MYORG: variants seen among roughly 807,000 people sequenced by gnomAD.
MYORG encodes the protein myogenesis regulating glycosidase.
A neutral mutation model predicts 49.8 loss-of-function variants in MYORG; 45 were observed. The ratio of observed to expected loss-of-function variants is 0.90; its 90% CI spans 0.71 to 1.16. MYORG has a LOEUF of 1.16. Among genes scored for constraint, MYORG ranks in the 50% most tolerant of loss-of-function variants. The pLI is 0.00. For synonymous variants in MYORG, 552 were observed against 462.9 expected (o/e 1.19, Z -2.47); for missense variants, 1,110 against 1,026.5 (o/e 1.08, Z -1.11).
At position 34,372,878 on chromosome 9, in the gene MYORG, T is replaced by C; in HGVS notation, c.66A>G (p.Ala22=). 2.5e-6 allele frequency: 4 copies of C among 1,613,952 alleles called. No individual in the cohort carries two copies. Among genetic ancestry groups the C allele is most frequent in the Non-Finnish European group, 3.4e-6 (4 of 1,179,874 alleles). ...YPRRRRPGCY[A]YRQNPEAIAA... ...CGATGGCCTCGGGGTTCTGACGGTATGCGTAGCAGCCAGGCCGGCGGCGGC... is the reference window on the plus strand; with the variant it reads ...CGATGGCCTCGGGGTTCTGACGGTACGCGTAGCAGCCAGGCCGGCGGCGGC... The change falls in exon 2 of 2, where the codon GCA becomes GCG. Residue 22 remains alanine (A), a synonymous_variant. Coordinates refer to ENST00000297625, the MANE Select transcript of MYORG (RefSeq NM_020702.5).
rs768988148 is a variant in MYORG at position 34,371,085 on chromosome 9, A to C, written c.1859T>G (p.Leu620Arg). 1.2e-6 allele frequency: 2 copies of C among 1,610,096 alleles called. No homozygotes were observed. Among genetic ancestry groups the C allele is most frequent in the Non-Finnish European group, 1.7e-6 (2 of 1,177,806 alleles). ...LRASLVAPLLLELAGEVTDTG... is the reference protein window; with the variant it reads ...LRASLVAPLLRELAGEVTDTG... ...GTCGGTGACCTCGCCCGCCAGCTCA[A>C]GCAACAGCGGTGCCACAAGCGAGGC... The change falls in exon 2 of 2, where the codon CTT (leucine) becomes CGT (arginine). Residue 620 changes from leucine (L) to arginine (R), a missense_variant. Transcript: ENST00000297625.
Position 34,372,936 on chromosome 9 carries a change from T to G in MYORG, c.8A>C (p.Gln3Pro), listed in dbSNP as rs1269666130. The G allele has an allele frequency of 6.2e-7, 1 of 1,613,174 alleles. No individual in the cohort carries two copies. The highest frequency in any genetic ancestry group is 1.7e-5 in the Admixed American group (1 of 59,996). Residue 3 changes from glutamine (Q) to proline (P), a missense_variant, in exon 2 of 2, where the codon CAG becomes CCG. Gln to Pro is a moderately conservative substitution (Grantham distance 76). Coordinates refer to ENST00000297625, the MANE Select transcript of MYORG (RefSeq NM_020702.5). Reference sequence around the variant, plus strand: ...GGCCTGGCTCTTCTCCTGAGGGTTCTGGAGCATTAGTGGGCTGCTAAGAAA... The same window carrying G: ...GGCCTGGCTCTTCTCCTGAGGGTTCGGGAGCATTAGTGGGCTGCTAAGAAA... MLQNPQEKSQAYP... is the reference protein window; with the variant it reads MLPNPQEKSQAYP...
chr9:34,372,755 C>G lies in MYORG; in HGVS notation c.189G>C (p.Leu63=). 6.2e-7 allele frequency: 1 copy of G among 1,613,856 alleles called. No homozygotes were observed. ...DLKPLLGSAV[L]GLLLVLAAVV... ...CCGCGGCCAGCACAAGCAGCAGCCCCAGAACCGCGGAGCCCAGCAGCGGCT... is the reference window on the plus strand; with the variant it reads ...CCGCGGCCAGCACAAGCAGCAGCCCGAGAACCGCGGAGCCCAGCAGCGGCT... The change falls in exon 2 of 2, where the codon CTG becomes CTC. Residue 63 remains leucine, a synonymous_variant. Coordinates refer to ENST00000297625, the MANE Select transcript of MYORG (RefSeq NM_020702.5).
In MYORG at chr9:34,367,899, AC is replaced by A. The variant is rs2131874337; in HGVS notation, c.*2899del. The A allele has an allele frequency of 6.6e-6, 1 of 152,170 alleles. No homozygotes were observed. Among genetic ancestry groups the A allele is most frequent in the East Asian group, 1.9e-4 (1 of 5,182 alleles). 9.4% of individuals were successfully genotyped at this position (152,170 alleles called of 1,614,324 possible). On this transcript the variant is annotated 3_prime_UTR_variant, in exon 2 of 2. Coordinates refer to ENST00000297625, the MANE Select transcript of MYORG (RefSeq NM_020702.5). ...TCTCTGTGTGGGGGCTTCCCCTTCCACATTGCCTTAACAGAGGTTCTCCATG... is the reference window on the plus strand; with the variant it reads ...TCTCTGTGTGGGGGCTTCCCCTTCCAATTGCCTTAACAGAGGTTCTCCATG...
At chr9:34,374,289 C>A (rs924374752) in intron 1 of MYORG, among the ~76,000 whole-genome samples, 8 of 152,192 alleles carry the variant, frequency 5.3e-5, no homozygotes, top group African/African-American at 1.9e-4. Flanking sequence ...ACTTATCAAA[C>A]CATATCTATC....
rs1820525969 is a variant in MYORG, at chr9:34,368,004, C to T, written c.*2795G>A. On this transcript the variant is annotated 3_prime_UTR_variant, in exon 2 of 2. Transcript: ENST00000297625. Reference sequence around the variant, plus strand: ...ATTCTCTGAAATCTAGGCAGAGGTTCCCAAACCTCAGTTCTTGACTTCTGT... The same window carrying T: ...ATTCTCTGAAATCTAGGCAGAGGTTTCCAAACCTCAGTTCTTGACTTCTGT... The T allele has an allele frequency of 6.6e-6, 1 of 152,376 alleles. No homozygotes were observed. The highest frequency in any genetic ancestry group is 2.4e-5 in the African/African-American group (1 of 41,580). 9.4% of individuals were successfully genotyped at this position (152,376 alleles called of 1,614,324 possible).
chr9:34,372,020 T>C lies in MYORG; in HGVS notation c.924A>G (p.Pro308=). The C allele has an allele frequency of 1.2e-6, 2 of 1,613,994 alleles. No homozygotes were observed. Among genetic ancestry groups the C allele is most frequent in the Non-Finnish European group, 1.7e-6 (2 of 1,179,880 alleles). The change falls in exon 2 of 2, where the codon CCA becomes CCG. Residue 308 remains proline (P), a synonymous_variant. Coordinates refer to ENST00000297625, the MANE Select transcript of MYORG (RefSeq NM_020702.5). ...RRYFNKPSRV[P]APEAFRDPIW... ...TGGGGTCTCGGAAGGCCTCGGGTGCTGGCACCCTTGACGGCTTGTTGAAGT... is the reference window on the plus strand; with the variant it reads ...TGGGGTCTCGGAAGGCCTCGGGTGCCGGCACCCTTGACGGCTTGTTGAAGT...
In MYORG at chr9:34,370,420, C is replaced by T. The variant is rs1820569568; in HGVS notation, c.*379G>A. The T allele has an allele frequency of 5.6e-6, 1 of 179,210 alleles. No homozygotes were observed. Among genetic ancestry groups the T allele is most frequent in the Non-Finnish European group, 1.2e-5 (1 of 84,426 alleles). 11.1% of individuals were successfully genotyped at this position (179,210 alleles called of 1,614,324 possible). On this transcript the variant is annotated 3_prime_UTR_variant, in exon 2 of 2. Coordinates refer to ENST00000297625, the MANE Select transcript of MYORG (RefSeq NM_020702.5). ...CCCACCTAAGATGGACAAAGATGGC[C>T]ACGAAAGCCAGGAGGGGGAGGTTTC...
At position 34,367,089 on chromosome 9, in the gene MYORG, A is replaced by G. The variant is rs376756336; in HGVS notation, c.*3710T>C. 6.6e-6 allele frequency: 1 copy of G among 152,350 alleles called. No homozygotes were observed. Among genetic ancestry groups the G allele is most frequent in the Admixed American group, 6.5e-5 (1 of 15,280 alleles). 9.4% of individuals were successfully genotyped at this position (152,350 alleles called of 1,614,324 possible). Reference sequence around the variant, plus strand: ...GTGGAAGGCAAAAGGCACATCTTACATGGCAGCAGACAAGAGAGAATGAGA... The same window carrying G: ...GTGGAAGGCAAAAGGCACATCTTACGTGGCAGCAGACAAGAGAGAATGAGA... On this transcript the variant is annotated 3_prime_UTR_variant, in exon 2 of 2. Coordinates refer to ENST00000297625, the MANE Select transcript of MYORG (RefSeq NM_020702.5).
Position 34,371,557 on chromosome 9 carries a change from CG to C in MYORG, c.1386del (p.Phe462LeufsTer44). The C allele has an allele frequency of 6.2e-7, 1 of 1,605,188 alleles. No homozygotes were observed. Among genetic ancestry groups the C allele is most frequent in the Non-Finnish European group, 8.5e-7 (1 of 1,179,124 alleles). ...RSRYSVASFK[F>X]DAGEVSYLPR... ...GGCAGGTAGCTGACCTCGCCCGCGT[CG>C]AACTTGAAGGAAGCCACGGAGTAGC... On this transcript the variant is annotated frameshift_variant, in exon 2 of 2. Coordinates refer to ENST00000297625, the MANE Select transcript of MYORG (RefSeq NM_020702.5). LOFTEE classifies it high-confidence loss of function.
Position 34,371,166 on chromosome 9 carries a change from G to A in MYORG, c.1778C>T (p.Pro593Leu), listed in dbSNP as rs1056418108. Residue 593 changes from proline (P) to leucine (L), a missense_variant, in exon 2 of 2, where the codon CCC (proline) becomes CTC (leucine). Physicochemically the swap from Pro to Leu is moderately conservative, Grantham distance 98 (BLOSUM62 -3). Coordinates refer to ENST00000297625, the MANE Select transcript of MYORG (RefSeq NM_020702.5). ...CACCACTTCCGCGTCGTAGCGCCAG[G>A]GCGGGATAGAGAACTGCATGGCCGG... ...FMPAMQFSIP[P>L]WRYDAEVVAI... 1.9e-6 allele frequency: 3 copies of A among 1,610,266 alleles called. No homozygotes were observed. The highest frequency in any genetic ancestry group is 1.7e-6 in the Non-Finnish European group (2 of 1,177,914).
rs866335788 is a variant in MYORG at position 34,371,217 on chromosome 9, C to T, written c.1727G>A (p.Arg576His). 5 of 1,610,516 alleles carry T rather than the reference C, an allele frequency of 3.1e-6. No individual in the cohort carries two copies. The highest frequency in any genetic ancestry group is 3.3e-4 in the Middle Eastern group (2 of 6,058). ...GDVPERELYI[R>H]WLEVAAFMPA... ...CATAAAGGCGGCCACTTCCAGCCAG[C>T]GAATGTAGAGCTCGCGCTCGGGCAC... The change falls in exon 2 of 2, where the codon CGC (arginine) becomes CAC (histidine). Residue 576 changes from arginine (R) to histidine (H), a missense_variant. Arg to His is a conservative substitution (Grantham distance 29, BLOSUM62 0). Transcript: ENST00000297625.
rs757738711 is a variant in MYORG at position 34,372,675 on chromosome 9, G to C, written c.269C>G (p.Ala90Gly). ...GCCAGCTTTCAGGTCCAGCAGCTCCGCGCGAAGTCGCTCCGCCTTGCGTAG... is the reference window on the plus strand; with the variant it reads ...GCCAGCTTTCAGGTCCAGCAGCTCCCCGCGAAGTCGCTCCGCCTTGCGTAG... ...VSLRKAERLRAELLDLKAGGF... is the reference protein window; with the variant it reads ...VSLRKAERLRGELLDLKAGGF... The change falls in exon 2 of 2, where the codon GCG (alanine) becomes GGG (glycine). Residue 90 changes from alanine (A) to glycine (G), a missense_variant. Transcript: ENST00000297625. The C allele has an allele frequency of 9.9e-6, 16 of 1,608,438 alleles. No homozygotes were observed. The highest frequency in any genetic ancestry group is 1.2e-5 in the Non-Finnish European group (14 of 1,177,624).
At chr9:34,375,580 C>A (rs1447282492) in intron 1 of MYORG, among the ~76,000 whole-genome samples, 1 of 152,158 alleles carries the variant, frequency 6.6e-6, no homozygotes, top group Non-Finnish European at 1.5e-5. Flanking sequence ...TTCAAGATAA[C>A]CAAAGCCCTA....
Position 34,372,209 on chromosome 9 carries a change from G to T in MYORG, c.735C>A (p.Phe245Leu), listed in dbSNP as rs1369101076. ...AAIKVNDSVP[F>L]HLGWNSTERS... is the part of the protein sequence containing the mutation. ...GCTCCGTGCTGTTCCAGCCCAGGTG[G>T]AAGGGCACTGAGTCATTGACTTTGA... The change falls in exon 2 of 2, where the codon TTC becomes TTA. Residue 245 changes from phenylalanine (F) to leucine (L), a missense_variant. Coordinates refer to ENST00000297625, the MANE Select transcript of MYORG (RefSeq NM_020702.5). The T allele has an allele frequency of 6.2e-7, 1 of 1,611,966 alleles. No individual in the cohort carries two copies.
Position 34,372,748 on chromosome 9 carries a change from G to GCAGCCCCAGAAC in MYORG, c.184_195dup (p.Val62_Leu65dup). 6.2e-7 allele frequency: 1 copy of GCAGCCCCAGAAC among 1,613,778 alleles called. No individual in the cohort carries two copies. The highest frequency in any genetic ancestry group is 8.5e-7 in the Non-Finnish European group (1 of 1,179,782). On this transcript the variant is annotated inframe_insertion, in exon 2 of 2. Transcript: ENST00000297625. ...GCCACCACCGCGGCCAGCACAAGCAGCAGCCCCAGAACCGCGGAGCCCAGC... is the reference window on the plus strand; with the variant it reads ...GCCACCACCGCGGCCAGCACAAGCAGCAGCCCCAGAACCAGCCCCAGAACCGCGGAGCCCAGC...
chr9:34,371,729 G>C lies in MYORG; in HGVS notation c.1215C>G (p.Gly405=). The C allele has an allele frequency of 6.2e-7, 1 of 1,612,248 alleles. No homozygotes were observed. Among genetic ancestry groups the C allele is most frequent in the South Asian group, 1.1e-5 (1 of 90,926 alleles). The change falls in exon 2 of 2, where the codon GGC becomes GGG. Residue 405 remains glycine, a synonymous_variant. Coordinates refer to ENST00000297625, the MANE Select transcript of MYORG (RefSeq NM_020702.5). The part of the protein sequence containing the change: ...VNYNSSRFGE[G]VERELFVREP... ...CGCGCACGAACAGCTCGCGCTCCAC[G>C]CCCTCGCCGAAGCGCGACGAGTTGT...
chr9:34,368,970 C>G lies in MYORG; in HGVS notation c.*1829G>C, dbSNP rs189045906. On this transcript the variant is annotated 3_prime_UTR_variant, in exon 2 of 2. Transcript: ENST00000297625. ...GCTCCACGTGGCTGGGGAGGCCTCA[C>G]AAGCATGACAGAAAGGCACGTCTTA... The G allele has an allele frequency of 6.6e-6, 1 of 152,210 alleles. No homozygotes were observed. The highest frequency in any genetic ancestry group is 1.9e-4 in the East Asian group (1 of 5,190). The allele number at this position is 152,210 out of a possible 1,614,324, so 9.4% of individuals were successfully genotyped here.
chr9:34,370,724 T>C lies in MYORG; in HGVS notation c.*75A>G. The C allele has an allele frequency of 6.9e-7, 1 of 1,459,492 alleles. No homozygotes were observed. The allele number at this position is 1,459,492 out of a possible 1,614,324, so 90.4% of individuals were successfully genotyped here. ...GAGGTGGGAGGTTCCTGGGAGTACATGGTGCGGGTGTGACGGAGGGTTCAA... is the reference window on the plus strand; with the variant it reads ...GAGGTGGGAGGTTCCTGGGAGTACACGGTGCGGGTGTGACGGAGGGTTCAA... On this transcript the variant is annotated 3_prime_UTR_variant, in exon 2 of 2. Coordinates refer to ENST00000297625, the MANE Select transcript of MYORG (RefSeq NM_020702.5).
Sources: gnomAD v4.1 joint callset for allele counts (sites outside exome capture counted in the v4.1 genomes callset) on GRCh38, gnomAD v4.1.1 for gene constraint, MANE v1.5 for transcripts, NCBI Gene and HGNC (gene_info 2026-07-23, HGNC 2026-07-21) for gene names.